SLC35F4: variants seen among roughly 807,000 people sequenced by gnomAD.
SLC35F4 encodes chromosome 14 open reading frame 36.
Under a neutral mutation model 44.2 loss-of-function variants are expected in SLC35F4, and 24 were observed. That is an observed-to-expected ratio of 0.54 (90% CI 0.39 to 0.76). The LOEUF is 0.76. Among genes scored for constraint, SLC35F4 ranks in the 30% least tolerant of loss-of-function variants. The pLI is 0.00. For missense variants in SLC35F4, 562 were observed against 586.1 expected (o/e 0.96, Z 0.42); for synonymous variants, 238 against 223.6 (o/e 1.06, Z -0.57).
At chr14:57,970,907 T>A (rs2141094434) in intron 1 of SLC35F4, among the ~76,000 whole-genome samples, 1 of 152,324 alleles carries the variant, frequency 6.6e-6, no homozygotes, top group East Asian at 1.9e-4. Context: ...AGGACATTTT[T>A]TCCTCTGGAT....
chr14:57,822,661 G>T (rs545140785), intron 1 of SLC35F4, among the ~76,000 whole-genome samples: 4 of 152,214 alleles, frequency 2.6e-5, no homozygotes, highest in Admixed American at 2.6e-4. Flanking sequence ...AAAAGCAGTG[G>T]ATCTTCTGCC....
chr14:57,641,841 T>A (rs1343398518), intron 1 of SLC35F4, among the ~76,000 whole-genome samples: 10 of 152,040 alleles, frequency 6.6e-5, no homozygotes, highest in Admixed American at 6.6e-4. Flanking sequence ...CTGTCTAGAT[T>A]CACTGATGAA....
chr14:57,934,882 T>C (rs911825436), intron 1 of SLC35F4, among the ~76,000 whole-genome samples: 57 of 152,186 alleles, frequency 3.7e-4, no homozygotes, highest in African/African-American at 1.4e-3. Flanking sequence ...AGGATCAGCA[T>C]GTCAGCTTTA....
chr14:57,728,441 C>CTTTTTTTT (rs869064667), intron 1 of SLC35F4, among the ~76,000 whole-genome samples: 59 of 59,014 alleles, frequency 1.0e-3, no homozygotes, highest in African/African-American at 3.7e-3. Context: ...TTCTTTCTTT[C>CTTTTTTTT]TTTTTTTTTT....
intron 1 of SLC35F4, among the ~76,000 whole-genome samples, chr14:57,934,789 G>A (rs1270183207): frequency 6.6e-6 from 1 of 152,124 alleles, no homozygotes; most frequent in Non-Finnish European, 1.5e-5. Flanking sequence ...GAGAAACTGG[G>A]TGCAGAAAGT....
At chr14:57,802,840 C>T (rs1056884071) in intron 1 of SLC35F4, among the ~76,000 whole-genome samples, 10 of 151,940 alleles carry the variant, frequency 6.6e-5, no homozygotes, top group African/African-American at 2.4e-4. Flanking sequence ...GCAAAAAACA[C>T]CCAGGACCAG....
At chr14:57,941,702 C>G (rs1377353398) in intron 1 of SLC35F4, among the ~76,000 whole-genome samples, 1 of 151,612 alleles carries the variant, frequency 6.6e-6, no homozygotes, top group Non-Finnish European at 1.5e-5. Flanking sequence ...CTAATTTCAG[C>G]TCAATTTAAA....
At chr14:57,695,061 A>G (rs560771691) in intron 1 of SLC35F4, among the ~76,000 whole-genome samples, 66 of 152,304 alleles carry the variant, frequency 4.3e-4, no homozygotes, top group African/African-American at 1.5e-3. Context: ...TAAAACCATA[A>G]AAACCCTAGA....
intron 1 of SLC35F4, among the ~76,000 whole-genome samples, chr14:57,718,653 A>G (rs115691042): frequency 0.015 from 2,210 of 152,268 alleles, 24 homozygotes; most frequent in Middle Eastern, 0.037. Context: ...TTTGCGAAAT[A>G]TCTATTCAAA....
chr14:57,933,136 C>T (rs1410214510), intron 1 of SLC35F4, among the ~76,000 whole-genome samples: 1 of 151,662 alleles, frequency 6.6e-6, no homozygotes, highest in Non-Finnish European at 1.5e-5. Flanking sequence ...ATTCTCCTGC[C>T]TCAGCCTCCC....
intron 1 of SLC35F4, among the ~76,000 whole-genome samples, chr14:57,818,820 G>A (rs1362573460): frequency 6.6e-6 from 1 of 152,138 alleles, no homozygotes; most frequent in Non-Finnish European, 1.5e-5. Flanking sequence ...ACAACATGTG[G>A]ACTGTAGCTT....
In SLC35F4 at chr14:57,775,282, C is replaced by T. The variant is rs117398827; in HGVS notation, c.103+90441G>A. 2.6e-3 allele frequency among the ~76,000 whole-genome samples: 397 copies of T among 152,336 alleles called. 1 individual carries two copies. Among genetic ancestry groups the T allele is most frequent in the Admixed American group, 4.9e-3 (75 of 15,306 alleles). On this transcript the variant is annotated intron_variant, in intron 1 of 7. Transcript: ENST00000556826. ...GCACCCACTAGCACCCTGCTGCAGCCGATAAGTGTGCACCTCACCACACTG... is the reference window on the plus strand; with the variant it reads ...GCACCCACTAGCACCCTGCTGCAGCTGATAAGTGTGCACCTCACCACACTG...
intron 1 of SLC35F4, among the ~76,000 whole-genome samples, chr14:57,925,203 T>C (rs1395808576): frequency 6.6e-6 from 1 of 151,370 alleles, no homozygotes; most frequent in South Asian, 2.1e-4. Flanking sequence ...CCTCCTACAC[T>C]GGGGATCAAA....
chr14:57,823,133 C>A (rs1883354592), intron 1 of SLC35F4, among the ~76,000 whole-genome samples: 2 of 152,116 alleles, frequency 1.3e-5, no homozygotes, highest in Admixed American at 1.3e-4. Flanking sequence ...CCTCCACACT[C>A]CTCACCACAG....
chr14:57,889,854 T>C (rs748308486), intron 1 of SLC35F4, among the ~76,000 whole-genome samples: 4 of 152,178 alleles, frequency 2.6e-5, no homozygotes, highest in Non-Finnish European at 4.4e-5. Context: ...CTTTGTTCAT[T>C]CATTCATTCA....
chr14:57,924,181 C>T (rs969488669), intron 1 of SLC35F4, among the ~76,000 whole-genome samples: 3 of 152,182 alleles, frequency 2.0e-5, no homozygotes, highest in Non-Finnish European at 2.9e-5. Flanking sequence ...TTGTAAATTG[C>T]CCAATCTCAG....
intron 1 of SLC35F4, among the ~76,000 whole-genome samples, chr14:57,928,998 A>G (rs1889638328): frequency 6.6e-6 from 1 of 152,236 alleles, no homozygotes; most frequent in Non-Finnish European, 1.5e-5. Flanking sequence ...ACCAAATCTG[A>G]ACATTAGAGA....
At chr14:57,728,512 G>C (rs564287849) in intron 1 of SLC35F4, among the ~76,000 whole-genome samples, 5 of 119,494 alleles carry the variant, frequency 4.2e-5, no homozygotes. Flanking sequence ...GCAATGGCAC[G>C]ATCTCGGCTC....
At chr14:57,594,189 T>C in intron 1 of SLC35F4, 65 bp from the exon 2 acceptor site, 2 of 1,424,144 alleles carry the variant, frequency 1.4e-6, no homozygotes, top group South Asian at 2.7e-5. Context: ...GATTTTATTA[T>C]TTATTTAATT....
Sources: allele counts gnomAD v4.1 joint callset (sites outside exome capture counted in the v4.1 genomes callset), GRCh38; gene constraint gnomAD v4.1.1; transcripts MANE v1.5; gene names NCBI Gene and HGNC (gene_info 2026-07-23, HGNC 2026-07-21).